The following RFX2 variants were observed in gnomAD, a reference collection of about 807,000 sequenced individuals.
RFX2 encodes the protein DNA-binding protein RFX2.
In RFX2, 20 loss-of-function variants were observed where a neutral mutation model predicts 87.8. The ratio of observed to expected loss-of-function variants is 0.23; its 90% CI spans 0.16 to 0.33. The LOEUF is 0.33. Ranked by LOEUF, RFX2 falls within the 10% of genes least tolerant of loss-of-function variation. The pLI is 1.00. For synonymous variants in RFX2, 397 were observed against 431.3 expected (o/e 0.92, Z 0.98); for missense variants, 767 against 1,012.3 (o/e 0.76, Z 3.29).
intron 1 of RFX2, chr19:6,073,588 T>C (rs1269836616): frequency 6.0e-6 from 2 of 332,798 alleles, no homozygotes; most frequent in Non-Finnish European, 1.1e-5. Context: ...CAAAAAGATA[T>C]ATAAAAACAA....
rs529951045 is a variant in RFX2 at position 6,021,910 on chromosome 19, G to A, written c.597+4253C>T. Among the ~76,000 whole-genome samples the A allele has an allele frequency of 1.3e-5, 2 of 152,170 alleles. No individual in the cohort carries two copies. The highest frequency in any genetic ancestry group is 4.8e-5 in the African/African-American group (2 of 41,444). ...GCTGACGGCTGGCTAGGAGGTGGCC[G>A]AAAGAATCCACAGGGACAGTGGCGG... is the stretch of plus-strand genomic sequence containing the variant. On this transcript the variant is annotated intron_variant, in intron 6 of 17. Transcript: ENST00000303657. The surrounding 1 kb of genome is among the most constrained non-coding windows in gnomAD (Gnocchi z 5.7).
rs550316036 is a variant in RFX2, at chr19:6,061,769, C to T, written c.-8-14265G>A. Among the ~76,000 whole-genome samples, 22 of 152,244 alleles carry T rather than the reference C, an allele frequency of 1.4e-4. No individual in the cohort carries two copies. In the South Asian group the frequency reaches 1.4e-3, roughly 10 times the overall value. On this transcript the variant is annotated intron_variant, in intron 1 of 17. Coordinates refer to ENST00000303657, the MANE Select transcript of RFX2 (RefSeq NM_000635.4). This position sits in a 1 kb window ranked among gnomAD's most constrained non-coding sequence, Gnocchi z 5.2. The stretch of plus-strand genomic sequence containing the variant: ...AGGTTCAAGTCCCAGGCTTGTCACT[C>T]GCTTACTGACTGTGGCAGTGGCCTT...
chr19:6,029,076 CA>C (rs56768626), intron 5 of RFX2, among the ~76,000 whole-genome samples: 18,408 of 122,264 alleles, frequency 0.15, 3,132 homozygotes, highest in African/African-American at 0.45. Context: ...GAGACTGTCT[CA>C]AAAAAAAAAA....
intron 1 of RFX2, among the ~76,000 whole-genome samples, chr19:6,096,542 G>C (rs1162094662): frequency 6.6e-6 from 1 of 152,138 alleles, no homozygotes; most frequent in Non-Finnish European, 1.5e-5. Flanking sequence ...CGCCCCCCGG[G>C]TTCATGCCAT....
chr19:6,073,418 G>A (rs540928077), intron 1 of RFX2: 16 of 1,031,344 alleles, frequency 1.6e-5, no homozygotes, highest in Admixed American at 1.8e-5. Flanking sequence ...TCCCTGTGCT[G>A]AGATCGCTCA....
At chr19:6,036,593 C>A (rs2087028406) in intron 5 of RFX2, among the ~76,000 whole-genome samples, 1 of 152,180 alleles carries the variant, frequency 6.6e-6, no homozygotes, top group East Asian at 1.9e-4. Flanking sequence ...AATTGAAAGT[C>A]AATCAATGCA....
intron 5 of RFX2, among the ~76,000 whole-genome samples, chr19:6,037,111 C>T (rs1020931651): frequency 2.6e-5 from 4 of 151,694 alleles, no homozygotes; most frequent in East Asian, 1.9e-4. Context: ...GGTGAAACTC[C>T]GTCTCTACTA....
At chr19:6,084,409 T>C (rs776511250) in intron 1 of RFX2, among the ~76,000 whole-genome samples, 9 of 152,148 alleles carry the variant, frequency 5.9e-5, no homozygotes, top group Non-Finnish European at 1.3e-4. Flanking sequence ...TAATATACAG[T>C]TCAGTAGCAT....
At chr19:6,058,870 C>T (rs1017947927) in intron 1 of RFX2, among the ~76,000 whole-genome samples, 1 of 152,104 alleles carries the variant, frequency 6.6e-6, no homozygotes, top group Non-Finnish European at 1.5e-5. Flanking sequence ...GCCCTTAAGT[C>T]GCAGGTTCTA....
At chr19:6,049,826 C>A (rs1408765477) in intron 1 of RFX2, among the ~76,000 whole-genome samples, 1 of 152,254 alleles carries the variant, frequency 6.6e-6, no homozygotes, top group Non-Finnish European at 1.5e-5. Flanking sequence ...CCGTGCCCAG[C>A]CTGTTCCCCT....
chr19:6,073,629 A>C, intron 1 of RFX2: 2 of 266,218 alleles, frequency 7.5e-6, no homozygotes, highest in Non-Finnish European at 1.4e-5. Context: ...TTCCATCCAA[A>C]TGGAATTTCA....
At chr19:6,075,756 T>C (rs1451255906) in intron 1 of RFX2, among the ~76,000 whole-genome samples, 1 of 152,096 alleles carries the variant, frequency 6.6e-6, no homozygotes, top group Non-Finnish European at 1.5e-5. Context: ...AGCTGCCACC[T>C]AGGCAGCTAG....
At chr19:6,042,965 G>A (rs2087132447) in intron 3 of RFX2, among the ~76,000 whole-genome samples, 1 of 152,198 alleles carries the variant, frequency 6.6e-6, no homozygotes, top group African/African-American at 2.4e-5. Context: ...ATGGTGTCAT[G>A]GTGACCTTCC....
chr19:6,057,374 G>A (rs1406112872), intron 1 of RFX2: 1 of 152,368 alleles, frequency 6.6e-6, no homozygotes, highest in Non-Finnish European at 1.5e-5. Context: ...GTCAGGAAAG[G>A]AAATGCAGAA....
At chr19:6,078,291 C>G (rs1377390823) in intron 1 of RFX2, 1 of 140,386 alleles carries the variant, frequency 7.1e-6, no homozygotes, top group African/African-American at 2.7e-5. Flanking sequence ...CCATACACTT[C>G]AAATGGGTGA....
intron 1 of RFX2, among the ~76,000 whole-genome samples, chr19:6,080,618 C>G (rs149050979): frequency 0.019 from 2,825 of 152,260 alleles, 35 homozygotes; most frequent in Non-Finnish European, 0.029. Context: ...TGGGACCTGA[C>G]AGCTGCAAAG....
chr19:6,100,943 TAA>T (rs2088118140), intron 1 of RFX2, among the ~76,000 whole-genome samples: 1 of 150,926 alleles, frequency 6.6e-6, no homozygotes, highest in African/African-American at 2.5e-5. Flanking sequence ...TCTGTCATTT[TAA>T]AGGTCTGCAG....
intron 1 of RFX2, among the ~76,000 whole-genome samples, chr19:6,105,490 T>A (rs1359654551): frequency 6.6e-6 from 1 of 150,932 alleles, no homozygotes; most frequent in Admixed American, 6.6e-5. Context: ...GGGAGTGGAG[T>A]TAGGGGTGAC....
rs1038714613 is a variant in RFX2, at chr19:6,004,505, C to T, written c.1403-207G>A. Among the ~76,000 whole-genome samples, 9 of 152,350 alleles carry T rather than the reference C, an allele frequency of 5.9e-5. No homozygotes were observed. Among genetic ancestry groups the T allele is most frequent in the Non-Finnish European group, 1.0e-4 (7 of 68,032 alleles). ...TGCTGGTCACCACCCACTGCCTATG[C>T]GGGTCTCACAGGGGCGATTCTGCCC... On this transcript the variant is annotated intron_variant, in intron 12 of 17. Transcript: ENST00000303657. This position sits in a 1 kb window ranked among gnomAD's most constrained non-coding sequence, Gnocchi z 4.8.
Sources: gnomAD v4.1 joint callset for allele counts (sites outside exome capture counted in the v4.1 genomes callset) on GRCh38, gnomAD v4.1.1 for gene constraint, Gnocchi (gnomAD v3.1) non-coding constraint, MANE v1.5 for transcripts, NCBI Gene and HGNC (gene_info 2026-07-23, HGNC 2026-07-21) for gene names.